Variants in LRMDA observed in about 807,000 individuals in gnomAD.
LRMDA encodes leucine rich melanocyte differentiation associated.
Under a neutral mutation model 29.8 loss-of-function variants are expected in LRMDA, and 18 were observed. The observed-to-expected ratio is 0.60, with a 90% CI of 0.42 to 0.90. LRMDA has a LOEUF of 0.90. Among genes scored for constraint, LRMDA ranks in the 40% least tolerant of loss-of-function variants. The pLI, the probability that LRMDA is intolerant of heterozygous loss-of-function variation, is 0.00. For synonymous variants in LRMDA, 125 were observed against 109.4 expected (o/e 1.14, Z -0.89); for missense variants, 273 against 273.9 (o/e 1.00, Z 0.02).
At chr10:75,673,822 A>C (rs1841929341) in intron 2 of LRMDA, among the ~76,000 whole-genome samples, 1 of 152,142 alleles carries the variant, frequency 6.6e-6, no homozygotes, top group Non-Finnish European at 1.5e-5. Flanking sequence ...CCTTCTTTAT[A>C]ACTTCCCATC....
At position 76,378,918 on chromosome 10, in the gene LRMDA, G is replaced by A. The variant is rs150942232; in HGVS notation, c.601+54433G>A. Among the ~76,000 whole-genome samples the A allele has an allele frequency of 7.5e-3, 1,062 of 141,178 alleles. 5 individuals are homozygous for A. Among genetic ancestry groups the A allele is most frequent in the Middle Eastern group, 0.011 (3 of 262 alleles). The allele number at this position is 141,178 out of a possible 152,430, so 92.6% of individuals were successfully genotyped here. On this transcript the variant is annotated intron_variant, in intron 6 of 6. Transcript: ENST00000611255. ...GTCTCCCACGCTGGAGTGCAGTGGCGCCATTTTGGCTCACTGCAACCTCTG... is the reference window on the plus strand; with the variant it reads ...GTCTCCCACGCTGGAGTGCAGTGGCACCATTTTGGCTCACTGCAACCTCTG...
intron 6 of LRMDA, among the ~76,000 whole-genome samples, chr10:76,424,584 C>T (rs1842104725): frequency 6.6e-6 from 1 of 152,112 alleles, no homozygotes; most frequent in Non-Finnish European, 1.5e-5. Flanking sequence ...ACAACAGTAA[C>T]AATAACTGCC....
chr10:75,940,359 C>T (rs1221897631), intron 2 of LRMDA, among the ~76,000 whole-genome samples: 1 of 152,128 alleles, frequency 6.6e-6, no homozygotes, highest in African/African-American at 2.4e-5. Context: ...TCCCCTCATG[C>T]ATCTGTGCCC....
At chr10:76,284,590 T>A (rs1840247674) in intron 5 of LRMDA, among the ~76,000 whole-genome samples, 1 of 152,178 alleles carries the variant, frequency 6.6e-6, no homozygotes, top group South Asian at 2.1e-4. Context: ...TCCAACCAGC[T>A]TGACAGAGAG....
chr10:76,156,928 G>A (rs1216412161), intron 5 of LRMDA, among the ~76,000 whole-genome samples: 2 of 152,192 alleles, frequency 1.3e-5, no homozygotes, highest in Non-Finnish European at 2.9e-5. Flanking sequence ...CAGGGGCAGA[G>A]AACGTAATAC....
chr10:76,083,597 G>A (rs1375185748), intron 5 of LRMDA, among the ~76,000 whole-genome samples: 1 of 152,194 alleles, frequency 6.6e-6, no homozygotes, highest in African/African-American at 2.4e-5. Flanking sequence ...GGGAGGCCAA[G>A]GTGGGTGGAT....
At chr10:75,669,181 G>A (rs1251550015) in intron 2 of LRMDA, among the ~76,000 whole-genome samples, 1 of 152,168 alleles carries the variant, frequency 6.6e-6, no homozygotes, top group East Asian at 1.9e-4. Flanking sequence ...ATGAATTGGT[G>A]TCACCCTCGT....
At chr10:75,497,792 G>T (rs1845064721) in intron 2 of LRMDA, among the ~76,000 whole-genome samples, 1 of 151,996 alleles carries the variant, frequency 6.6e-6, no homozygotes, top group African/African-American at 2.4e-5. Context: ...CCAGTAGTTT[G>T]GTTCTTCTTG....
intron 2 of LRMDA, among the ~76,000 whole-genome samples, chr10:75,558,449 A>G (rs1429212920): frequency 1.3e-5 from 2 of 152,198 alleles, no homozygotes; most frequent in African/African-American, 4.8e-5. Flanking sequence ...TCATTGATTC[A>G]GTCATTATCA....
intron 2 of LRMDA, among the ~76,000 whole-genome samples, chr10:75,800,422 G>T (rs528600724): frequency 8.9e-4 from 132 of 148,550 alleles, no homozygotes; most frequent in African/African-American, 3.1e-3. Context: ...GTTTTATTCA[G>T]TCTGATAATC....
At chr10:75,633,992 T>G (rs1841359419) in intron 2 of LRMDA, among the ~76,000 whole-genome samples, 1 of 152,250 alleles carries the variant, frequency 6.6e-6, no homozygotes, top group Admixed American at 6.5e-5. Context: ...CAGTGTGCTG[T>G]TTTAAGCATT....
At chr10:76,276,386 C>T (rs1443653533) in intron 5 of LRMDA, among the ~76,000 whole-genome samples, 1 of 151,980 alleles carries the variant, frequency 6.6e-6, no homozygotes, top group Admixed American at 6.6e-5. Context: ...TCAAGTGATC[C>T]TCCCACCTTG....
At chr10:75,940,056 A>T (rs1404141080) in intron 2 of LRMDA, among the ~76,000 whole-genome samples, 1 of 152,182 alleles carries the variant, frequency 6.6e-6, no homozygotes, top group East Asian at 1.9e-4. Flanking sequence ...CATTTTCAGG[A>T]TTCCACGACC....
At chr10:75,551,259 A>G (rs1293629164) in intron 2 of LRMDA, among the ~76,000 whole-genome samples, 1 of 151,902 alleles carries the variant, frequency 6.6e-6, no homozygotes, top group Non-Finnish European at 1.5e-5. Flanking sequence ...GTGTGGTTCA[A>G]CCTTACCAGG....
chr10:76,334,185 G>T (rs1003094424), intron 6 of LRMDA, among the ~76,000 whole-genome samples: 4 of 152,210 alleles, frequency 2.6e-5, no homozygotes, highest in African/African-American at 9.6e-5. Flanking sequence ...TGAATCTTGG[G>T]CTCCTGGAAG....
At chr10:76,442,622 G>A (rs1282391465) in intron 6 of LRMDA, among the ~76,000 whole-genome samples, 1 of 152,134 alleles carries the variant, frequency 6.6e-6, no homozygotes, top group Non-Finnish European at 1.5e-5. Context: ...GAGTGGGGAG[G>A]TGAAGGCTGC....
chr10:75,858,633 C>T (rs1844868653), intron 2 of LRMDA, among the ~76,000 whole-genome samples: 1 of 152,202 alleles, frequency 6.6e-6, no homozygotes, highest in South Asian at 2.1e-4. Flanking sequence ...CCATCCCCCT[C>T]CTTTCTAATG....
intron 5 of LRMDA, among the ~76,000 whole-genome samples, chr10:76,246,346 G>T (rs1852376606): frequency 6.6e-6 from 1 of 152,178 alleles, no homozygotes; most frequent in Non-Finnish European, 1.5e-5. Flanking sequence ...TCTAACGCAG[G>T]TTCTTACCAC....
rs1428815299 is a variant in LRMDA at position 75,957,901 on chromosome 10, G to C, written c.132-78107G>C. ...GTAATAAATAGCTGTGCTCGGGTTT[G>C]ACCTCTCCCTTACCAGACACATCTT... On this transcript the variant is annotated intron_variant, in intron 2 of 6. Transcript: ENST00000611255. 3.9e-5 allele frequency among the ~76,000 whole-genome samples: 6 copies of C among 152,282 alleles called. No homozygotes were observed. In the South Asian group the frequency reaches 1.2e-3, roughly 32 times the overall value.
Sources: allele counts gnomAD v4.1 joint callset (sites outside exome capture counted in the v4.1 genomes callset), GRCh38; gene constraint gnomAD v4.1.1; transcripts MANE v1.5; gene names NCBI Gene and HGNC (gene_info 2026-07-23, HGNC 2026-07-21).